The following CYP4X1 variants were observed in gnomAD, a reference collection of about 807,000 sequenced individuals.
The protein encoded by CYP4X1 is cytochrome P450 family 4 subfamily X member 1.
A neutral mutation model predicts 57.9 loss-of-function variants in CYP4X1; 44 were observed. The observed-to-expected ratio is 0.76, with a 90% CI of 0.60 to 0.98. The LOEUF (loss-of-function observed/expected upper bound fraction) is 0.98. CYP4X1 is among the 50% of genes least tolerant of loss of function. The pLI, the probability that CYP4X1 is intolerant of heterozygous loss-of-function variation, is 0.00. For missense variants in CYP4X1, 532 were observed against 623.9 expected, an observed-to-expected ratio of 0.85 and a Z score of 1.57; for synonymous variants, 227 against 228.6, an observed-to-expected ratio of 0.99 and a Z score of 0.06.
At chr1:47,007,878 G>C in the CYP4X1 span, among the ~76,000 whole-genome samples, 1 of 152,130 alleles carries the variant, frequency 6.6e-6, no homozygotes, top group African/African-American at 2.4e-5. Flanking sequence ...AGAGAAAAAA[G>C]AATAAAAAGA....
the CYP4X1 span, chr1:46,961,874 C>T: frequency 1.3e-4 from 118 of 918,020 alleles, no homozygotes; most frequent in Middle Eastern, 7.4e-4. Flanking sequence ...CCTCTTTGTG[C>T]CTGTCTTAGG....
the CYP4X1 span, among the ~76,000 whole-genome samples, chr1:47,000,177 G>A: frequency 7.2e-5 from 11 of 152,194 alleles, no homozygotes; most frequent in East Asian, 1.7e-3. Flanking sequence ...TGATTTTAGA[G>A]GTGTTTGGCA....
chr1:47,009,878 G>A, the CYP4X1 span, among the ~76,000 whole-genome samples: 1 of 152,314 alleles, frequency 6.6e-6, no homozygotes, highest in Non-Finnish European at 1.5e-5. Flanking sequence ...GTGAATGTCT[G>A]AATAGACCAA....
At chr1:47,043,699 A>G (rs1644271998) in intron 8 of CYP4X1, among the ~76,000 whole-genome samples, 1 of 152,154 alleles carries the variant, frequency 6.6e-6, no homozygotes, top group Non-Finnish European at 1.5e-5. Context: ...ATGCTTCTAC[A>G]TGTGGCTTGC....
upstream of CYP4X1, among the ~76,000 whole-genome samples, chr1:47,019,259 A>C (rs1262524741): frequency 2.0e-5 from 3 of 152,090 alleles, no homozygotes; most frequent in Non-Finnish European, 4.4e-5. Flanking sequence ...GATTACCCTT[A>C]TCTTGTCTCC....
Position 47,030,039 on chromosome 1 carries a change from A to G in CYP4X1, c.227A>G (p.Tyr76Cys). 1 of 1,614,062 alleles carries G rather than the reference A, an allele frequency of 6.2e-7. No individual in the cohort carries two copies. The highest frequency in any genetic ancestry group is 1.7e-5 in the Admixed American group (1 of 60,008). The change falls in exon 2 of 12, where the codon TAC becomes TGC. Residue 76 changes from tyrosine (Y) to cysteine (C), a missense_variant. Tyr to Cys is a radical substitution (Grantham distance 194). Coordinates refer to ENST00000371901, the MANE Select transcript of CYP4X1 (RefSeq NM_178033.2). ...AAGCTTGAGGAAATTATTGAAAAAT[A>G]CCCTCGTGCCTTCCCTTTCTGGATT... is the stretch of plus-strand genomic sequence containing the variant. Reference protein sequence around the residue: ...MEKLEEIIEKYPRAFPFWIGP... With the variant: ...MEKLEEIIEKCPRAFPFWIGP...
chr1:46,977,629 C>G, the CYP4X1 span, among the ~76,000 whole-genome samples: 5 of 151,692 alleles, frequency 3.3e-5, no homozygotes, highest in East Asian at 5.8e-4. Context: ...CAGAGACCAA[C>G]AAAAAGATAC....
chr1:47,053,599 T>A (rs1644372884), downstream of CYP4X1, among the ~76,000 whole-genome samples: 1 of 152,254 alleles, frequency 6.6e-6, no homozygotes, highest in Non-Finnish European at 1.5e-5. Context: ...GACTTTTTAA[T>A]GATCGCCATT....
intron 7 of CYP4X1, 52 bp from the exon 8 acceptor site, chr1:47,039,290 A>G (rs1644219029): frequency 6.8e-7 from 1 of 1,478,232 alleles, no homozygotes. Context: ...TTGTATCTCC[A>G]AACATTTATA....
rs576423012 is a variant in CYP4X1 at position 47,023,685 on chromosome 1, C to T, written c.-133C>T. The T allele has an allele frequency of 2.4e-5, 35 of 1,430,730 alleles. No individual in the cohort carries two copies. The African/African-American group carries it at 3.5e-4, about 14-fold the overall frequency. 88.6% of individuals were successfully genotyped at this position (1,430,730 alleles called of 1,614,324 possible). A position where few individuals can be genotyped will look rare whatever the true frequency, so the allele number is the denominator to read the frequency against. On this transcript the variant is annotated 5_prime_UTR_variant, in exon 1 of 12. Transcript: ENST00000371901. ...GCCCCTCCCACTGCCTTTCCTTCTTCCCGCGAGTCAGAAGCTTCGCGAGGG... is the reference window on the plus strand; with the variant it reads ...GCCCCTCCCACTGCCTTTCCTTCTTTCCGCGAGTCAGAAGCTTCGCGAGGG...
At chr1:47,007,197 C>T in the CYP4X1 span, among the ~76,000 whole-genome samples, 1 of 152,190 alleles carries the variant, frequency 6.6e-6, no homozygotes, top group Non-Finnish European at 1.5e-5. Flanking sequence ...AGACTGACAC[C>T]TCACACGGCC....
chr1:47,033,164 C>G, intron 3 of CYP4X1, 77 bp from the exon 4 acceptor site: 2 of 1,529,500 alleles, frequency 1.3e-6, no homozygotes, highest in Non-Finnish European at 1.8e-6. Context: ...GGTTACTCCA[C>G]GCTGCCTGTG....
intron 8 of CYP4X1, 98 bp from the exon 9 acceptor site, chr1:47,046,369 T>G (rs1644301381): frequency 6.5e-7 from 1 of 1,537,106 alleles, no homozygotes; most frequent in Admixed American, 1.9e-5. Flanking sequence ...GCAAAATGGC[T>G]TTAACCTGAG....
At chr1:47,015,571 CTG>C in the CYP4X1 span, among the ~76,000 whole-genome samples, 3 of 152,158 alleles carry the variant, frequency 2.0e-5, no homozygotes, top group African/African-American at 7.2e-5. Context: ...ACCAAAACTA[CTG>C]TGTTAATTAG....
At chr1:47,009,619 A>C in the CYP4X1 span, among the ~76,000 whole-genome samples, 1 of 152,140 alleles carries the variant, frequency 6.6e-6, no homozygotes, top group East Asian at 1.9e-4. Context: ...AATGAATCCC[A>C]GAGCTGGTTT....
the CYP4X1 span, among the ~76,000 whole-genome samples, chr1:47,016,205 G>A: frequency 1.1e-4 from 16 of 151,454 alleles, no homozygotes; most frequent in Non-Finnish European, 1.6e-4. Context: ...GCTCAAAGAC[G>A]GGCTCCAGGC....
chr1:47,023,662 C>A (rs1361155744), upstream of CYP4X1: 2 of 1,417,606 alleles, frequency 1.4e-6, no homozygotes, highest in Non-Finnish European at 1.8e-6. Context: ...CCTGAGCTGC[C>A]CCTCCCACTG....
chr1:46,984,376 TAAAAAAAA>T, the CYP4X1 span, among the ~76,000 whole-genome samples: 6 of 118,598 alleles, frequency 5.1e-5, no homozygotes, highest in East Asian at 9.7e-4. Context: ...GCTCTGCCTT[TAAAAAAAA>T]AAAAAAAAAA....
chr1:47,020,007 C>T (rs139532986), upstream of CYP4X1, among the ~76,000 whole-genome samples: 249 of 152,296 alleles, frequency 1.6e-3, 1 homozygote, highest in African/African-American at 5.7e-3. Flanking sequence ...TCAGTGGATT[C>T]CCATGGCCTT....
Sources: allele counts gnomAD v4.1 joint callset (sites outside exome capture counted in the v4.1 genomes callset), GRCh38; gene constraint gnomAD v4.1.1; transcripts MANE v1.5; gene names NCBI Gene and HGNC (gene_info 2026-07-23, HGNC 2026-07-21).